The following GRPEL1 variants were observed in gnomAD, a reference collection of about 807,000 sequenced individuals.
The protein encoded by GRPEL1 is GrpE like 1, mitochondrial.
In GRPEL1, 13 loss-of-function variants were observed where a neutral mutation model predicts 22.1. That is an observed-to-expected ratio of 0.59 (90% CI 0.38 to 0.94). The LOEUF is 0.94. Ranked by LOEUF, GRPEL1 falls within the 40% of genes least tolerant of loss-of-function variation. GRPEL1 has a pLI of 0.00. For synonymous variants in GRPEL1, 109 were observed against 105.3 expected (o/e 1.03, Z -0.21); for missense variants, 289 against 264.6 (o/e 1.09, Z -0.64).
At chr4:7,062,510 ATATATCT>A (rs764520478) in intron 2 of GRPEL1, 44 bp from the exon 3 acceptor site, 28 of 312,462 alleles carry the variant, frequency 9.0e-5, no homozygotes, top group Non-Finnish European at 1.1e-4. Context: ...ATATATATAT[ATATATCT>A]TTTTTTTTGA....
In GRPEL1 at chr4:7,060,387, ATTT is replaced by A. The variant is rs147132832; in HGVS notation, c.*472_*474del. On this transcript the variant is annotated 3_prime_UTR_variant, in exon 4 of 4. Transcript: ENST00000264954. ...ACTCACTATGTTCTTCACAAAGATCATTTTTTTTAAGTAAGAAAAATGTTTCAA... is the reference window on the plus strand; with the variant it reads ...ACTCACTATGTTCTTCACAAAGATCATTTTTAAGTAAGAAAAATGTTTCAA... 6.4e-6 allele frequency: 1 copy of A among 156,488 alleles called. No individual in the cohort carries two copies. Among genetic ancestry groups the A allele is most frequent in the Non-Finnish European group, 1.4e-5 (1 of 70,578 alleles). The allele number at this position is 156,488 out of a possible 1,614,324, so 9.7% of individuals were successfully genotyped here.
intron 2 of GRPEL1, among the ~76,000 whole-genome samples, chr4:7,063,351 A>G (rs1426204885): frequency 6.6e-6 from 1 of 152,110 alleles, no homozygotes; most frequent in Non-Finnish European, 1.5e-5. Flanking sequence ...AACCTTCCAA[A>G]GTGCTATCAG....
At chr4:7,063,674 T>C (rs995734771) in intron 2 of GRPEL1, among the ~76,000 whole-genome samples, 9 of 152,230 alleles carry the variant, frequency 5.9e-5, no homozygotes, top group African/African-American at 2.2e-4. Context: ...TACTAGTTCA[T>C]AAAACTCCTA....
rs549672870 is a variant in GRPEL1 at position 7,060,437 on chromosome 4, G to A, written c.*425C>T. On this transcript the variant is annotated 3_prime_UTR_variant, in exon 4 of 4. Transcript: ENST00000264954. ...TCAACTCTCTTGCCTTTCCTTCAGC[G>A]AATGAAATGTGACGGGCTAAATACG... 154 of 162,990 alleles carry A rather than the reference G, an allele frequency of 9.4e-4. No homozygotes were observed. Among genetic ancestry groups the A allele is most frequent in the African/African-American group, 2.9e-3 (123 of 41,890 alleles). 10.1% of individuals were successfully genotyped at this position (162,990 alleles called of 1,614,324 possible). A position where few individuals can be genotyped will look rare whatever the true frequency, so the allele number is the denominator to read the frequency against.
intron 3 of GRPEL1, 164 bp from the exon 4 acceptor site, chr4:7,061,372 C>A: frequency 1.7e-6 from 1 of 598,406 alleles, no homozygotes; most frequent in East Asian, 2.8e-5. Flanking sequence ...ACAAAACTCT[C>A]AAAAGCTACT....
chr4:7,060,106 A>T lies in GRPEL1; in HGVS notation c.*756T>A, dbSNP rs1724002449. 6.6e-6 allele frequency: 1 copy of T among 152,258 alleles called. No homozygotes were observed. Among genetic ancestry groups the T allele is most frequent in the Admixed American group, 6.5e-5 (1 of 15,282 alleles). The allele number at this position is 152,258 out of a possible 1,614,324, so 9.4% of individuals were successfully genotyped here. A position where few individuals can be genotyped will look rare whatever the true frequency, so the allele number is the denominator to read the frequency against. ...CCTCTTAAATAAAAATTTTAAATTAAACATTAACATTTAAAGTACACCAAG... is the reference window on the plus strand; with the variant it reads ...CCTCTTAAATAAAAATTTTAAATTATACATTAACATTTAAAGTACACCAAG... On this transcript the variant is annotated 3_prime_UTR_variant, in exon 4 of 4. Transcript: ENST00000264954.
rs905812282 is a variant in GRPEL1, at chr4:7,067,964, C to G, written c.62+7G>C. ...ACCTCCACCCAGGGAGACCAAGTGC[C>G]CCTTACCTGAGAGACAACGCCAAAG... is the stretch of plus-strand genomic sequence containing the variant. On this transcript the variant is annotated splice_region_variant and intron_variant, in intron 1 of 3. Coordinates refer to ENST00000264954, the MANE Select transcript of GRPEL1 (RefSeq NM_025196.4). 1.2e-6 allele frequency: 2 copies of G among 1,613,324 alleles called. No homozygotes were observed. Among genetic ancestry groups the G allele is most frequent in the Non-Finnish European group, 1.7e-6 (2 of 1,179,884 alleles).
At chr4:7,062,134 G>C (rs1039364117) in intron 3 of GRPEL1, 4 of 261,772 alleles carry the variant, frequency 1.5e-5, no homozygotes, top group Non-Finnish European at 2.9e-5. Flanking sequence ...CCTGCTGCAG[G>C]TTCCCACCAA....
chr4:7,062,365 CCAT>C lies in GRPEL1; in HGVS notation c.307+17_307+19del. The stretch of plus-strand genomic sequence containing the variant: ...CATTATCTTCTTTCCGGAATCAACA[CCAT>C]GTTATGTTGAAAGTACCGTATAATT... On this transcript the variant is annotated intron_variant, in intron 3 of 3. Transcript: ENST00000264954. 1 of 1,356,136 alleles carries C rather than the reference CCAT, an allele frequency of 7.4e-7. No individual in the cohort carries two copies. Among genetic ancestry groups the C allele is most frequent in the Non-Finnish European group, 1.0e-6 (1 of 953,916 alleles). 84.0% of individuals were successfully genotyped at this position (1,356,136 alleles called of 1,614,324 possible). A position where few individuals can be genotyped will look rare whatever the true frequency, so the allele number is the denominator to read the frequency against.
In GRPEL1 at chr4:7,059,045, A is replaced by C. The variant is rs918186038; in HGVS notation, c.*1817T>G. ...ACACCATATAGCCTAGGTGTGGAGG[A>C]GGCTCCACCACCTGTTTTTTAGGTC... is the stretch of plus-strand genomic sequence containing the variant. On this transcript the variant is annotated 3_prime_UTR_variant, in exon 4 of 4. Coordinates refer to ENST00000264954, the MANE Select transcript of GRPEL1 (RefSeq NM_025196.4). 3.9e-5 allele frequency: 6 copies of C among 152,190 alleles called. No homozygotes were observed. The highest frequency in any genetic ancestry group is 2.1e-4 in the South Asian group (1 of 4,832). 9.4% of individuals were successfully genotyped at this position (152,190 alleles called of 1,614,324 possible). A position where few individuals can be genotyped will look rare whatever the true frequency, so the allele number is the denominator to read the frequency against.
Position 7,059,517 on chromosome 4 carries a change from G to T in GRPEL1, c.*1345C>A, listed in dbSNP as rs557158941. 1 of 152,326 alleles carries T rather than the reference G, an allele frequency of 6.6e-6. No individual in the cohort carries two copies. The highest frequency in any genetic ancestry group is 1.5e-5 in the Non-Finnish European group (1 of 68,030). The allele number at this position is 152,326 out of a possible 1,614,324, so 9.4% of individuals were successfully genotyped here. ...TCAATACACGATGCTGCCTTTAGTT[G>T]TTTCTGACCAAATTAACTTAAGGCA... On this transcript the variant is annotated 3_prime_UTR_variant, in exon 4 of 4. Transcript: ENST00000264954.
chr4:7,067,700 T>G (rs1389552915), intron 1 of GRPEL1, among the ~76,000 whole-genome samples: 1 of 152,242 alleles, frequency 6.6e-6, no homozygotes, highest in Non-Finnish European at 1.5e-5. Flanking sequence ...TGGGCCACCG[T>G]ACCTTCCGAG....
intron 2 of GRPEL1, among the ~76,000 whole-genome samples, chr4:7,063,385 T>C (rs1403772764): frequency 6.6e-6 from 1 of 152,202 alleles, no homozygotes; most frequent in African/African-American, 2.4e-5. Flanking sequence ...TGCGCCCAGC[T>C]AGCTTTTCTC....
intron 2 of GRPEL1, among the ~76,000 whole-genome samples, chr4:7,063,714 C>T (rs538356643): frequency 1.3e-5 from 2 of 152,364 alleles, no homozygotes; most frequent in African/African-American, 4.8e-5. Context: ...CATAAAACCA[C>T]ACTCCTGCTC....
intron 2 of GRPEL1, among the ~76,000 whole-genome samples, chr4:7,062,996 C>T (rs1388183462): frequency 1.3e-5 from 2 of 152,080 alleles, no homozygotes; most frequent in Non-Finnish European, 2.9e-5. Context: ...CTGTGTTACC[C>T]AGAGGTGGCT....
chr4:7,064,206 A>C lies in GRPEL1; in HGVS notation c.80T>G (p.Leu27Trp). ...GTTCTTTTGTTTCGTGGCTGTGCAC[A>C]ACAACCGGGGAGATGGCCTACAGGG... Reference protein sequence around the residue: ...ALSLRPSPRLLCTATKQKNSG... With the variant: ...ALSLRPSPRLWCTATKQKNSG... The change falls in exon 2 of 4, where the codon TTG becomes TGG. Residue 27 changes from leucine (L) to tryptophan (W), a missense_variant. By Grantham distance (61) the Leu-to-Trp change is moderately conservative. Transcript: ENST00000264954. The C allele has an allele frequency of 6.2e-7, 1 of 1,613,412 alleles. No individual in the cohort carries two copies. Among genetic ancestry groups the C allele is most frequent in the Non-Finnish European group, 8.5e-7 (1 of 1,179,626 alleles).
chr4:7,066,793 C>G (rs1724179468), intron 1 of GRPEL1, among the ~76,000 whole-genome samples: 1 of 152,194 alleles, frequency 6.6e-6, no homozygotes. Context: ...GAAACTGAGT[C>G]TCAGAAAGCC....
rs1723998663 is a variant in GRPEL1, at chr4:7,059,973, A to G, written c.*889T>C. 3.3e-5 allele frequency: 5 copies of G among 152,176 alleles called. No individual in the cohort carries two copies. The South Asian group carries it at 1.0e-3, about 32-fold the overall frequency. 9.4% of individuals were successfully genotyped at this position (152,176 alleles called of 1,614,324 possible). ...GTCAAGCTGACAGCTTCTGGGCTGG[A>G]GTAGAGAATGGGAAGGCTAAGCCAT... On this transcript the variant is annotated 3_prime_UTR_variant, in exon 4 of 4. Coordinates refer to ENST00000264954, the MANE Select transcript of GRPEL1 (RefSeq NM_025196.4).
At chr4:7,062,188 G>T in intron 3 of GRPEL1, 197 bp downstream of exon 3, 1 of 359,536 alleles carries the variant, frequency 2.8e-6, no homozygotes, top group Non-Finnish European at 5.1e-6. Flanking sequence ...AATTCTTCAT[G>T]CTAGTCTCAG....
Sources: allele counts gnomAD v4.1 joint callset (sites outside exome capture counted in the v4.1 genomes callset), GRCh38; gene constraint gnomAD v4.1.1; transcripts MANE v1.5; gene names NCBI Gene and HGNC (gene_info 2026-07-23, HGNC 2026-07-21).